The following ZNF236 variants were observed in gnomAD, a reference collection of about 807,000 sequenced individuals.
ZNF236 encodes the protein regulated by glucose.
Under a neutral mutation model 191.2 loss-of-function variants are expected in ZNF236, and 50 were observed. The ratio of observed to expected loss-of-function variants is 0.26; its 90% CI spans 0.21 to 0.33. The LOEUF is 0.33. Among genes scored for constraint, ZNF236 ranks in the 10% least tolerant of loss-of-function variants. ZNF236 has a pLI of 1.00. For synonymous variants in ZNF236, 907 were observed against 928.8 expected (o/e 0.98, Z 0.43); for missense variants, 1,754 against 2,374.5 (o/e 0.74, Z 5.43).
chr18:76,914,077 A>G (rs181228797), intron 18 of ZNF236, among the ~76,000 whole-genome samples, 179 bp downstream of exon 18: 41 of 152,322 alleles, frequency 2.7e-4, no homozygotes, highest in Admixed American at 2.4e-3. Flanking sequence ...TTACACATAA[A>G]AGAAACTCTG....
rs1461979192 is a variant in ZNF236, at chr18:76,970,873, G to A, written c.*2534G>A. The A allele has an allele frequency of 2.0e-5, 3 of 152,246 alleles. No homozygotes were observed. Among genetic ancestry groups the A allele is most frequent in the African/African-American group, 7.2e-5 (3 of 41,452 alleles). The allele number at this position is 152,246 out of a possible 1,614,324, so 9.4% of individuals were successfully genotyped here. On this transcript the variant is annotated 3_prime_UTR_variant, in exon 31 of 31. Coordinates refer to ENST00000320610, the MANE Select transcript of ZNF236 (RefSeq NM_001306089.2). ...GTTCAGAGGCGTTTACCCCTGCAGTGTCCACTGGAAAGGCTTCAGACTTTC... is the reference window on the plus strand; with the variant it reads ...GTTCAGAGGCGTTTACCCCTGCAGTATCCACTGGAAAGGCTTCAGACTTTC...
chr18:76,931,974 T>C (rs1326939876), intron 25 of ZNF236, among the ~76,000 whole-genome samples: 1 of 152,234 alleles, frequency 6.6e-6, no homozygotes, highest in Admixed American at 6.5e-5. Flanking sequence ...CGACCTCTTG[T>C]CCCGTAGTTC....
At chr18:76,909,183 T>C (rs1231306507) in intron 14 of ZNF236, among the ~76,000 whole-genome samples, 2 of 151,956 alleles carry the variant, frequency 1.3e-5, no homozygotes, top group African/African-American at 4.8e-5. Flanking sequence ...GGTGTGGTGG[T>C]GCATACCTGT....
intron 17 of ZNF236, among the ~76,000 whole-genome samples, chr18:76,912,764 C>G (rs562734448): frequency 6.6e-6 from 1 of 152,156 alleles, no homozygotes; most frequent in South Asian, 2.1e-4. Flanking sequence ...TAGATGTGTC[C>G]GTCCACTGGC....
chr18:76,905,525 C>T, intron 13 of ZNF236, 110 bp downstream of exon 13: 1 of 1,001,886 alleles, frequency 1.0e-6, no homozygotes, highest in Non-Finnish European at 1.4e-6. Flanking sequence ...TTATTTCTAG[C>T]TCATACTATA....
intron 3 of ZNF236, among the ~76,000 whole-genome samples, chr18:76,859,590 A>G (rs888584248): frequency 4.6e-5 from 7 of 152,074 alleles, no homozygotes; most frequent in African/African-American, 1.4e-4. Flanking sequence ...GTGGTTCTTC[A>G]CTTCATCTTT....
intron 1 of ZNF236, among the ~76,000 whole-genome samples, chr18:76,826,006 A>T (rs1164753605): frequency 6.6e-6 from 1 of 152,210 alleles, no homozygotes; most frequent in Non-Finnish European, 1.5e-5. Context: ...CTCGTAAGTG[A>T]AGTGGTTTTA....
chr18:76,879,882 A>G (rs538282859), intron 7 of ZNF236, among the ~76,000 whole-genome samples: 7 of 152,196 alleles, frequency 4.6e-5, no homozygotes, highest in Non-Finnish European at 1.0e-4. Context: ...CTCTATGCTC[A>G]CTGGAAAAAA....
At chr18:76,912,046 G>A (rs892618286) in intron 16 of ZNF236, among the ~76,000 whole-genome samples, 198 bp from the exon 17 acceptor site, 10 of 152,094 alleles carry the variant, frequency 6.6e-5, no homozygotes, top group African/African-American at 2.2e-4. Flanking sequence ...AAATAAATAG[G>A]TCTTCATTTA....
chr18:76,957,904 T>C (rs1347899425), intron 28 of ZNF236, among the ~76,000 whole-genome samples: 6 of 152,220 alleles, frequency 3.9e-5, no homozygotes, highest in African/African-American at 1.2e-4. Context: ...CCAAAAGCAA[T>C]TGCAACACAA....
At chr18:76,909,297 G>A (rs1412540518) in intron 14 of ZNF236, among the ~76,000 whole-genome samples, 3 of 144,544 alleles carry the variant, frequency 2.1e-5, no homozygotes, top group Non-Finnish European at 3.0e-5. Flanking sequence ...CCTGGACAAC[G>A]GAGTGAGTGA....
At chr18:76,942,605 G>A (rs1028876786) in intron 26 of ZNF236, among the ~76,000 whole-genome samples, 26 of 151,374 alleles carry the variant, frequency 1.7e-4, no homozygotes, top group South Asian at 6.2e-4. Flanking sequence ...TCCGCTTCCC[G>A]GGTTCACAGC....
At chr18:76,928,659 G>GTCTT (rs1967771243) in intron 25 of ZNF236, among the ~76,000 whole-genome samples, 1 of 152,112 alleles carries the variant, frequency 6.6e-6, no homozygotes, top group African/African-American at 2.4e-5. Context: ...CTCATTCCCT[G>GTCTT]TCTTAGGGCT....
intron 5 of ZNF236, among the ~76,000 whole-genome samples, chr18:76,874,929 TA>T (rs1456015017): frequency 1.3e-5 from 2 of 152,168 alleles, no homozygotes; most frequent in Non-Finnish European, 2.9e-5. Flanking sequence ...GATTTTACTC[TA>T]GGGGGGATTG....
chr18:76,882,099 C>T (rs1226762993), intron 9 of ZNF236, among the ~76,000 whole-genome samples: 3 of 152,230 alleles, frequency 2.0e-5, no homozygotes, highest in African/African-American at 7.2e-5. Context: ...ACTTATTAGA[C>T]ATCATACTGA....
intron 3 of ZNF236, among the ~76,000 whole-genome samples, chr18:76,867,792 CCT>C (rs1354143638): frequency 2.0e-5 from 3 of 152,060 alleles, no homozygotes; most frequent in Non-Finnish European, 4.4e-5. Context: ...TCGTAACAGC[CCT>C]GTGAGGGCAG....
Position 76,880,050 on chromosome 18 carries a change from A to G in ZNF236, c.985-63A>G. ...GGGTATTGCCTGTTTTTTTTTTTTT[A>G]ATTTTCCTTTTTAAATTGAAGAGCA... On this transcript the variant is annotated intron_variant, in intron 7 of 30. Transcript: ENST00000320610. This position sits in a 1 kb window ranked among gnomAD's most constrained non-coding sequence, Gnocchi z 5.0. 1 of 1,112,168 alleles carries G rather than the reference A, an allele frequency of 9.0e-7. No homozygotes were observed. The allele number at this position is 1,112,168 out of a possible 1,614,324, so 68.9% of individuals were successfully genotyped here.
In ZNF236 at chr18:76,848,118, A is replaced by G. The variant is rs150185921; in HGVS notation, c.56-1408A>G. ...TTGGAATCTCCAGGTCCTTGCTACA[A>G]GGCAGATTCAACTTTCAGCCAGGAG... On this transcript the variant is annotated intron_variant, in intron 1 of 30. Coordinates refer to ENST00000320610, the MANE Select transcript of ZNF236 (RefSeq NM_001306089.2). 2.3e-3 allele frequency among the ~76,000 whole-genome samples: 343 copies of G among 152,322 alleles called. 1 individual carries two copies. Among genetic ancestry groups the G allele is most frequent in the Middle Eastern group, 6.8e-3 (2 of 294 alleles).
chr18:76,899,952 C>G (rs1301604137), intron 11 of ZNF236, among the ~76,000 whole-genome samples: 1 of 152,170 alleles, frequency 6.6e-6, no homozygotes, highest in Admixed American at 6.5e-5. Context: ...CTCTCTTCCT[C>G]ATAGATAGTG....
Sources: gnomAD v4.1 joint callset for allele counts (sites outside exome capture counted in the v4.1 genomes callset) on GRCh38, gnomAD v4.1.1 for gene constraint, Gnocchi (gnomAD v3.1) non-coding constraint, MANE v1.5 for transcripts, NCBI Gene and HGNC (gene_info 2026-07-23, HGNC 2026-07-21) for gene names.